Variants in FSTL5 observed in about 807,000 individuals in gnomAD.
FSTL5 encodes the protein follistatin like 5.
Under a neutral mutation model 89.1 loss-of-function variants are expected in FSTL5, and 62 were observed. That is an observed-to-expected ratio of 0.70 (90% CI 0.57 to 0.86). FSTL5 has a LOEUF of 0.86. Ranked by LOEUF, FSTL5 falls within the 40% of genes least tolerant of loss-of-function variation. The probability of loss-of-function intolerance (pLI) is 0.00; values close to 1 mark genes in which losing one functional copy is unlikely to be tolerated. For missense variants in FSTL5, 1,057 were observed against 1,001.6 expected, an observed-to-expected ratio of 1.06 and a Z score of -0.75; for synonymous variants, 383 against 346.2, an observed-to-expected ratio of 1.11 and a Z score of -1.18.
At chr4:161,723,198 T>C (rs1739275698) in intron 6 of FSTL5, among the ~76,000 whole-genome samples, 1 of 152,196 alleles carries the variant, frequency 6.6e-6, no homozygotes, top group African/African-American at 2.4e-5. Flanking sequence ...TCAGGCTTTA[T>C]AAATTGATTT....
chr4:161,597,657 A>C (rs977846202), intron 7 of FSTL5, among the ~76,000 whole-genome samples: 6 of 138,178 alleles, frequency 4.3e-5, no homozygotes, highest in Admixed American at 7.6e-5. Flanking sequence ...AAAATAAATA[A>C]ATACAAAAAA....
chr4:161,821,377 G>A (rs1420470751), intron 4 of FSTL5, among the ~76,000 whole-genome samples: 2 of 152,076 alleles, frequency 1.3e-5, no homozygotes, highest in African/African-American at 4.8e-5. Flanking sequence ...AAGTTACATG[G>A]AGAAGATTCC....
chr4:161,519,407 T>C (rs1482093129), intron 10 of FSTL5, among the ~76,000 whole-genome samples: 3 of 151,946 alleles, frequency 2.0e-5, no homozygotes, highest in Non-Finnish European at 4.4e-5. Context: ...GCACCTGTAG[T>C]CCCCGCTACT....
intron 6 of FSTL5, among the ~76,000 whole-genome samples, chr4:161,722,458 C>G (rs1739249994): frequency 6.6e-6 from 1 of 152,136 alleles, no homozygotes; most frequent in Non-Finnish European, 1.5e-5. Flanking sequence ...TCCTACTTTA[C>G]AGATAAATCT....
At chr4:161,588,353 G>A (rs572932902) in intron 7 of FSTL5, among the ~76,000 whole-genome samples, 1 of 152,050 alleles carries the variant, frequency 6.6e-6, no homozygotes, top group African/African-American at 2.4e-5. Context: ...TATTAAAGCA[G>A]TGTGATCTCA....
rs375481826 is a variant in FSTL5, at chr4:161,601,501, G to T, written c.895-13926C>A. Among the ~76,000 whole-genome samples the T allele has an allele frequency of 5.3e-4, 80 of 152,150 alleles. 1 individual carries two copies. The South Asian group carries it at 0.015, about 29-fold the overall frequency. Reference sequence around the variant, plus strand: ...GAGAAAATTCTGCTCAACAGGCTTAGAGCCATATAACTACCTAAGGTTGAT... The same window carrying T: ...GAGAAAATTCTGCTCAACAGGCTTATAGCCATATAACTACCTAAGGTTGAT... On this transcript the variant is annotated intron_variant, in intron 7 of 15. Transcript: ENST00000306100.
At chr4:162,077,567 G>C (rs1036441382) in intron 2 of FSTL5, among the ~76,000 whole-genome samples, 2 of 151,736 alleles carry the variant, frequency 1.3e-5, no homozygotes, top group Admixed American at 1.3e-4. Context: ...CCTGACTAAG[G>C]AGGAGGTAGC....
chr4:162,113,016 T>C (rs143041773), intron 1 of FSTL5, among the ~76,000 whole-genome samples: 682 of 152,284 alleles, frequency 4.5e-3, no homozygotes, highest in Non-Finnish European at 7.7e-3. Flanking sequence ...CCATTAAATA[T>C]TGTGGTTTAT....
intron 4 of FSTL5, among the ~76,000 whole-genome samples, chr4:161,845,157 A>T (rs1300921348): frequency 6.6e-6 from 1 of 152,130 alleles, no homozygotes; most frequent in Non-Finnish European, 1.5e-5. Flanking sequence ...TACCCAAGAA[A>T]CTTTTAAAAT....
At chr4:161,519,879 T>C (rs1270183030) in intron 10 of FSTL5, among the ~76,000 whole-genome samples, 1 of 152,068 alleles carries the variant, frequency 6.6e-6, no homozygotes, top group Non-Finnish European at 1.5e-5. Flanking sequence ...ATTTAGAAAA[T>C]ATACCATAGG....
chr4:161,455,156 T>A, intron 14 of FSTL5, 28 bp from the exon 15 acceptor site: 3 of 1,546,262 alleles, frequency 1.9e-6, no homozygotes, highest in Non-Finnish European at 2.6e-6. Flanking sequence ...TGGTTAGACC[T>A]CAACAATGCA....
chr4:162,127,026 A>C (rs1205875283), intron 1 of FSTL5, among the ~76,000 whole-genome samples: 1 of 152,106 alleles, frequency 6.6e-6, no homozygotes, highest in African/African-American at 2.4e-5. Context: ...CTCTCTCAAC[A>C]CACAGCTTTA....
At chr4:161,818,583 C>T (rs1323388164) in intron 4 of FSTL5, among the ~76,000 whole-genome samples, 1 of 152,214 alleles carries the variant, frequency 6.6e-6, no homozygotes, top group Non-Finnish European at 1.5e-5. Context: ...TGTCTATATG[C>T]TCCCCTAGAG....
rs34307838 is a variant in FSTL5, at chr4:161,721,284, C to CAAAAA, written c.727+38122_727+38126dup. ...TGGGCGACAGAGCGAGACTCCGTCTCAAAAAAAAAAAAAAAAAAAAAAAAT... is the reference window on the plus strand; with the variant it reads ...TGGGCGACAGAGCGAGACTCCGTCTCAAAAAAAAAAAAAAAAAAAAAAAAAAAAAT... On this transcript the variant is annotated intron_variant, in intron 6 of 15. Coordinates refer to ENST00000306100, the MANE Select transcript of FSTL5 (RefSeq NM_020116.5). Among the ~76,000 whole-genome samples, 161 of 64,800 alleles carry CAAAAA rather than the reference C, an allele frequency of 2.5e-3. 1 individual carries two copies. Among genetic ancestry groups the CAAAAA allele is most frequent in the East Asian group, 6.3e-3 (10 of 1,598 alleles). The allele number at this position is 64,800 out of a possible 152,430, so 42.5% of individuals were successfully genotyped here.
chr4:161,868,808 T>A (rs2126897750), intron 4 of FSTL5, among the ~76,000 whole-genome samples: 2 of 152,340 alleles, frequency 1.3e-5, no homozygotes, highest in African/African-American at 4.8e-5. Flanking sequence ...CCATTCTTAT[T>A]CCTCCAGTCT....
intron 4 of FSTL5, among the ~76,000 whole-genome samples, chr4:161,795,093 T>G (rs924825662): frequency 1.3e-5 from 2 of 151,968 alleles, no homozygotes; most frequent in Non-Finnish European, 2.9e-5. Context: ...TACCTTAATA[T>G]CTAGTTTTAA....
intron 15 of FSTL5, among the ~76,000 whole-genome samples, chr4:161,425,787 T>G (rs1444082568): frequency 1.3e-5 from 2 of 152,166 alleles, no homozygotes; most frequent in African/African-American, 4.8e-5. Context: ...GATTAAAGGA[T>G]ATGCCTGAAA....
At chr4:161,805,719 C>T (rs981345438) in intron 4 of FSTL5, among the ~76,000 whole-genome samples, 1 of 151,996 alleles carries the variant, frequency 6.6e-6, no homozygotes, top group African/African-American at 2.4e-5. Flanking sequence ...GAATTATCAC[C>T]ATAAAATATG....
At chr4:161,976,970 A>G (rs1001436372) in intron 3 of FSTL5, among the ~76,000 whole-genome samples, 26 of 152,214 alleles carry the variant, frequency 1.7e-4, no homozygotes, top group African/African-American at 6.3e-4. Context: ...TCTGTTTTCC[A>G]TGGTGACTAT....
Sources: allele counts gnomAD v4.1 joint callset (sites outside exome capture counted in the v4.1 genomes callset), GRCh38; gene constraint gnomAD v4.1.1; transcripts MANE v1.5; gene names NCBI Gene and HGNC (gene_info 2026-07-23, HGNC 2026-07-21).